USP37: variants seen among roughly 807,000 people sequenced by gnomAD.
USP37 encodes the protein ubiquitin carboxyl-terminal hydrolase 37.
A neutral mutation model predicts 124.0 loss-of-function variants in USP37; 27 were observed. The observed-to-expected ratio is 0.22, with a 90% CI of 0.16 to 0.30. The LOEUF (loss-of-function observed/expected upper bound fraction) is 0.30. Ranked by LOEUF, USP37 falls within the 10% of genes least tolerant of loss-of-function variation. USP37 has a pLI of 1.00. For synonymous variants in USP37, 365 were observed against 388.0 expected, an observed-to-expected ratio of 0.94 and a Z score of 0.70; for missense variants, 889 against 1,140.4, an observed-to-expected ratio of 0.78 and a Z score of 3.17.
intron 8 of USP37, among the ~76,000 whole-genome samples, chr2:218,539,790 T>G (rs1691875470): frequency 6.6e-6 from 1 of 151,964 alleles, no homozygotes; most frequent in South Asian, 2.1e-4. Flanking sequence ...GGTAGGCGGA[T>G]CACGATGTCA....
intron 10 of USP37, among the ~76,000 whole-genome samples, chr2:218,510,593 T>A (rs1344063677): frequency 2.6e-5 from 4 of 152,250 alleles, no homozygotes; most frequent in Non-Finnish European, 5.9e-5. Context: ...CATTTTTAAT[T>A]TTTTGAGATA....
intron 5 of USP37, among the ~76,000 whole-genome samples, chr2:218,551,915 C>A (rs1692682338): frequency 6.6e-6 from 1 of 152,032 alleles, no homozygotes; most frequent in African/African-American, 2.4e-5. Context: ...GCCTCAGCCT[C>A]CCAAGTAGCT....
At chr2:218,489,473 C>T (rs1273089055) in intron 14 of USP37, among the ~76,000 whole-genome samples, 1 of 151,828 alleles carries the variant, frequency 6.6e-6, no homozygotes, top group Non-Finnish European at 1.5e-5. Flanking sequence ...TCCTTCTCCC[C>T]CAAAATAACT....
intron 20 of USP37, 108 bp downstream of exon 20, chr2:218,474,522 C>T (rs1250076393): frequency 2.0e-6 from 3 of 1,473,946 alleles, no homozygotes; most frequent in Non-Finnish European, 2.7e-6. Context: ...CCACCATGCT[C>T]AGCTAATTTT....
At chr2:218,486,986 A>C (rs900039050) in intron 15 of USP37, among the ~76,000 whole-genome samples, 4 of 152,118 alleles carry the variant, frequency 2.6e-5, no homozygotes, top group Non-Finnish European at 5.9e-5. Flanking sequence ...TCAGCCTCCC[A>C]AAGTGCTGGG....
intron 10 of USP37, among the ~76,000 whole-genome samples, chr2:218,524,845 G>T (rs6749539): frequency 0.018 from 2,710 of 152,240 alleles, 86 homozygotes; most frequent in African/African-American, 0.061. Context: ...CCTGACCTCA[G>T]GTGATCCACC....
chr2:218,529,139 C>T (rs1691155349), intron 10 of USP37, among the ~76,000 whole-genome samples: 1 of 152,146 alleles, frequency 6.6e-6, no homozygotes, highest in South Asian at 2.1e-4. Context: ...TTTAAGAGCA[C>T]CTCCCAACTC....
chr2:218,514,412 G>A (rs1690164616), intron 10 of USP37: 1 of 152,000 alleles, frequency 6.6e-6, no homozygotes, highest in African/African-American at 2.4e-5. Context: ...GTAATGGTCA[G>A]GTATTTTACT....
chr2:218,494,913 A>AT (rs1688988688), intron 14 of USP37, among the ~76,000 whole-genome samples: 2 of 152,158 alleles, frequency 1.3e-5, no homozygotes, highest in Non-Finnish European at 2.9e-5. Context: ...AAAAGAAAAT[A>AT]TTTTTAGTAA....
rs1690877759 is a variant in USP37 at position 218,474,803 on chromosome 2, A to G, written c.2126T>C (p.Leu709Pro). 2 of 1,614,086 alleles carry G rather than the reference A, an allele frequency of 1.2e-6. No homozygotes were observed. Among genetic ancestry groups the G allele is most frequent in the East Asian group, 4.5e-5 (2 of 44,896 alleles). ...CTTACTTATCTCCAAGACAGCTGCT[A>G]GAAGCTCTTCTTCGCTCATTCTGTC... The part of the protein sequence containing the change: ...GFDRMSEEEL[L>P]AAVLEISKRD... The change falls in exon 20 of 26, where the codon CTA becomes CCA. Residue 709 changes from leucine (L) to proline (P), a missense_variant. Physicochemically the swap from Leu to Pro is moderately conservative, Grantham distance 98. Around this residue, in one of 3 missense-constraint regions of USP37, gnomAD observed 504 missense variants for 714.3 expected, o/e 0.71. Transcript: ENST00000258399.
intron 11 of USP37, among the ~76,000 whole-genome samples, chr2:218,508,585 T>C (rs1689807542): frequency 6.6e-6 from 1 of 152,052 alleles, no homozygotes; most frequent in South Asian, 2.1e-4. Context: ...CAGACCCAGA[T>C]GAAGAATGGT....
intron 11 of USP37, among the ~76,000 whole-genome samples, chr2:218,507,225 T>C (rs1689729573): frequency 6.6e-6 from 1 of 152,078 alleles, no homozygotes; most frequent in South Asian, 2.1e-4. Flanking sequence ...AGTGGTGCAA[T>C]CTCGGCTCAC....
At position 218,451,825 on chromosome 2, in the gene USP37, T is replaced by C. The variant is rs1037353415; in HGVS notation, c.*3105A>G. ...TATTTACATTTGTTGTATTTGTTAT[T>C]GAGCCTTTAAGGTTAGGCCCAGAAT... On this transcript the variant is annotated 3_prime_UTR_variant, in exon 26 of 26. Transcript: ENST00000258399. 4 of 152,662 alleles carry C rather than the reference T, an allele frequency of 2.6e-5. No homozygotes were observed. The highest frequency in any genetic ancestry group is 9.6e-5 in the African/African-American group (4 of 41,468). The allele number at this position is 152,662 out of a possible 1,614,324, so 9.5% of individuals were successfully genotyped here. A position where few individuals can be genotyped will look rare whatever the true frequency, so the allele number is the denominator to read the frequency against.
At position 218,463,372 on chromosome 2, in the gene USP37, G is replaced by A; in HGVS notation, c.2467-6C>T. ...TCTTTCTGTTCCCAAGCCTCCTAAA[G>A]GGAAAAGAACAAAAACTAAGGTATT... On this transcript the variant is annotated splice_region_variant and splice_polypyrimidine_tract_variant and intron_variant, in intron 21 of 25. Transcript: ENST00000258399. 3.7e-6 allele frequency: 6 copies of A among 1,613,612 alleles called. No homozygotes were observed. Among genetic ancestry groups the A allele is most frequent in the Non-Finnish European group, 4.2e-6 (5 of 1,179,884 alleles).
chr2:218,459,715 TG>T, intron 23 of USP37, 74 bp downstream of exon 23: 1 of 1,274,794 alleles, frequency 7.8e-7, no homozygotes, highest in Non-Finnish European at 1.1e-6. Context: ...ACACTGAAAG[TG>T]GGGCCTTTGA....
At chr2:218,473,942 T>C (rs1690827462) in intron 20 of USP37, among the ~76,000 whole-genome samples, 1 of 152,192 alleles carries the variant, frequency 6.6e-6, no homozygotes, top group South Asian at 2.1e-4. Flanking sequence ...TCCTGGGCTA[T>C]AAACCTGTAA....
chr2:218,523,106 T>C (rs1332121992), intron 10 of USP37, among the ~76,000 whole-genome samples: 2 of 152,082 alleles, frequency 1.3e-5, no homozygotes, highest in African/African-American at 4.8e-5. Context: ...TGAAACCCCG[T>C]CTCTACCAAA....
intron 14 of USP37, among the ~76,000 whole-genome samples, chr2:218,493,114 T>TA (rs1411053148): frequency 2.0e-5 from 3 of 152,146 alleles, no homozygotes; most frequent in South Asian, 2.1e-4. Context: ...TGGTTTTTTT[T>TA]AAAAAAAGTA....
At chr2:218,563,195 T>C (rs1693408082) in intron 1 of USP37, among the ~76,000 whole-genome samples, 2 of 149,722 alleles carry the variant, frequency 1.3e-5, no homozygotes, top group African/African-American at 2.4e-5. Context: ...TGATCGTTTA[T>C]ACAACAAAGA....
Sources: allele counts gnomAD v4.1 joint callset (sites outside exome capture counted in the v4.1 genomes callset), GRCh38; gene constraint gnomAD v4.1.1; regional missense constraint gnomAD v4.1.1; transcripts MANE v1.5; gene names NCBI Gene and HGNC (gene_info 2026-07-23, HGNC 2026-07-21).